Variants in SLC6A15 observed in about 807,000 individuals in gnomAD.
The protein encoded by SLC6A15 is sodium-dependent neutral amino acid transporter B(0)AT2.
SLC6A15 carries 33 observed loss-of-function variants against 68.5 expected under a neutral mutation model. The observed-to-expected ratio is 0.48, with a 90% CI of 0.37 to 0.64. The LOEUF (loss-of-function observed/expected upper bound fraction) is 0.64, where lower values mean the gene tolerates loss of function less well. Ranked by LOEUF, SLC6A15 falls within the 30% of genes least tolerant of loss-of-function variation. SLC6A15 has a pLI of 0.00. For missense variants in SLC6A15, 747 were observed against 874.3 expected (o/e 0.85, Z 1.84); for synonymous variants, 347 against 301.0 (o/e 1.15, Z -1.58).
At chr12:84,866,954 T>C (rs1871091102) in intron 10 of SLC6A15, 80 bp downstream of exon 10, 1 of 1,241,634 alleles carries the variant, frequency 8.1e-7, no homozygotes, top group Admixed American at 2.7e-5. Context: ...TTATTTCCTC[T>C]TCTAAATGAA....
At chr12:84,896,752 G>A (rs976365171) in intron 1 of SLC6A15, among the ~76,000 whole-genome samples, 9 of 152,130 alleles carry the variant, frequency 5.9e-5, no homozygotes, top group African/African-American at 2.2e-4. Flanking sequence ...TATACACCAG[G>A]AAACAATGTG....
At chr12:84,900,565 A>C (rs1380264145) in intron 1 of SLC6A15, among the ~76,000 whole-genome samples, 1 of 151,670 alleles carries the variant, frequency 6.6e-6, no homozygotes, top group Non-Finnish European at 1.5e-5. Context: ...CCCTACGTTC[A>C]ATGTTAATTG....
chr12:84,902,576 G>GA (rs1179321973), intron 1 of SLC6A15, among the ~76,000 whole-genome samples: 1 of 151,042 alleles, frequency 6.6e-6, no homozygotes, highest in African/African-American at 2.4e-5. Flanking sequence ...ACTTATAATA[G>GA]AAAAAAAATG....
chr12:84,882,327 C>T (rs11116642), intron 5 of SLC6A15: 278,964 of 984,404 alleles, frequency 0.28, 40,560 homozygotes, highest in Middle Eastern at 0.36. Context: ...AAGACATACA[C>T]AATTGAACAA....
At chr12:84,878,872 T>C (rs1871686192) in intron 5 of SLC6A15, among the ~76,000 whole-genome samples, 1 of 151,914 alleles carries the variant, frequency 6.6e-6, no homozygotes, top group Non-Finnish European at 1.5e-5. Flanking sequence ...CACAACACCT[T>C]TCAGTATGAA....
At chr12:84,871,144 T>TATAC in intron 8 of SLC6A15, among the ~76,000 whole-genome samples, 1 of 151,752 alleles carries the variant, frequency 6.6e-6, no homozygotes, top group Admixed American at 6.6e-5. Flanking sequence ...TATATATATA[T>TATAC]ATACATATAC....
chr12:84,900,983 T>C (rs1442409740), intron 1 of SLC6A15, among the ~76,000 whole-genome samples: 1 of 143,166 alleles, frequency 7.0e-6, no homozygotes, highest in Non-Finnish European at 1.5e-5. Flanking sequence ...TATACATGTA[T>C]ATATGTGTAT....
Position 84,867,109 on chromosome 12 carries a change from TA to T in SLC6A15, c.1579del (p.Tyr527IlefsTer8). ...AATTAGCAGAGGCAGTGTAGCAGAA[TA>T]ATCATCAAACATTGTAACAAAGTAA... ...GNYFVTMFDDYSATLPLLIVV... is the reference protein window; with the variant it reads ...GNYFVTMFDDXSATLPLLIVV... On this transcript the variant is annotated frameshift_variant, in exon 10 of 12. Transcript: ENST00000266682. LOFTEE classifies it high-confidence loss of function. 1.2e-6 allele frequency: 2 copies of T among 1,612,974 alleles called. No homozygotes were observed. The highest frequency in any genetic ancestry group is 1.7e-6 in the Non-Finnish European group (2 of 1,179,410).
chr12:84,868,215 A>T (rs1429030509), intron 9 of SLC6A15, among the ~76,000 whole-genome samples: 1 of 152,242 alleles, frequency 6.6e-6, no homozygotes, highest in East Asian at 1.9e-4. Flanking sequence ...AATGAATGTC[A>T]TATGTAAACA....
At chr12:84,909,899 C>T (rs549534752) in intron 1 of SLC6A15, among the ~76,000 whole-genome samples, 1 of 152,130 alleles carries the variant, frequency 6.6e-6, no homozygotes, top group East Asian at 1.9e-4. Context: ...TATTTTATGA[C>T]AAGAGAAGCA....
At chr12:84,881,093 C>G (rs541465033) in intron 5 of SLC6A15, 1 of 156,248 alleles carries the variant, frequency 6.4e-6, no homozygotes, top group South Asian at 2.0e-4. Context: ...GTAGTAACAA[C>G]AGGAAAGTAG....
chr12:84,904,197 G>A (rs373078727), intron 1 of SLC6A15, among the ~76,000 whole-genome samples: 17 of 148,412 alleles, frequency 1.1e-4, no homozygotes, highest in East Asian at 5.9e-4. Flanking sequence ...GGAGAGAAAG[G>A]GAGAGAAAGG....
intron 1 of SLC6A15, among the ~76,000 whole-genome samples, chr12:84,910,457 T>C (rs1873383576): frequency 6.6e-6 from 1 of 152,194 alleles, no homozygotes; most frequent in African/African-American, 2.4e-5. Flanking sequence ...CTGATTTTGA[T>C]GGTCAAATAT....
At chr12:84,897,671 A>G (rs1001327207) in intron 1 of SLC6A15, among the ~76,000 whole-genome samples, 29 of 152,124 alleles carry the variant, frequency 1.9e-4, no homozygotes, top group African/African-American at 5.8e-4. Context: ...AGAAAAATAT[A>G]TGATCTCCAA....
Position 84,861,821 on chromosome 12 carries a change from G to A in SLC6A15, c.2004C>T (p.Asn668=). ...TGAGGCTTGTATCATCGCCCTCTAA[G>A]TTCACAGGCTCTTTCAGGACCCTTC... ...KRGRVLKEPV[N]LEGDDTSLIH... Residue 668 remains asparagine (N), a synonymous_variant, in exon 12 of 12, where the codon AAC becomes AAT. Coordinates refer to ENST00000266682, the MANE Select transcript of SLC6A15 (RefSeq NM_182767.6). 2 of 1,613,884 alleles carry A rather than the reference G, an allele frequency of 1.2e-6. No homozygotes were observed. Among genetic ancestry groups the A allele is most frequent in the Non-Finnish European group, 1.7e-6 (2 of 1,179,930 alleles).
chr12:84,889,529 A>AAAATAT (rs1872293285), intron 2 of SLC6A15, among the ~76,000 whole-genome samples: 2 of 150,726 alleles, frequency 1.3e-5, no homozygotes. Flanking sequence ...AATAAAAATA[A>AAAATAT]AAATAAAAAA....
intron 1 of SLC6A15, among the ~76,000 whole-genome samples, chr12:84,895,091 C>G (rs1872582544): frequency 6.6e-6 from 1 of 151,806 alleles, no homozygotes; most frequent in Non-Finnish European, 1.5e-5. Context: ...TGTCCCACTT[C>G]TTGGTCTGTC....
Position 84,878,375 on chromosome 12 carries a change from T to A in SLC6A15, c.757-1768A>T, listed in dbSNP as rs527388446. On this transcript the variant is annotated intron_variant, in intron 5 of 11. Transcript: ENST00000266682. ...TGCGTACTTTTGGCATTCATTAAATTTGGCAGTTGCCTTGATCTCACTTGA... is the reference window on the plus strand; with the variant it reads ...TGCGTACTTTTGGCATTCATTAAATATGGCAGTTGCCTTGATCTCACTTGA... Among the ~76,000 whole-genome samples the A allele has an allele frequency of 2.0e-5, 3 of 152,312 alleles. No individual in the cohort carries two copies. In the East Asian group the frequency reaches 5.8e-4, roughly 29 times the overall value.
chr12:84,899,173 T>C (rs1205654485), intron 1 of SLC6A15, among the ~76,000 whole-genome samples: 3 of 152,214 alleles, frequency 2.0e-5, no homozygotes, highest in Admixed American at 2.0e-4. Context: ...CAAGTGCTAC[T>C]AGAGCCTCTC....
Sources: gnomAD v4.1 joint callset for allele counts (sites outside exome capture counted in the v4.1 genomes callset) on GRCh38, gnomAD v4.1.1 for gene constraint, MANE v1.5 for transcripts, NCBI Gene and HGNC (gene_info 2026-07-23, HGNC 2026-07-21) for gene names.